KCNIP4: variants seen among roughly 807,000 people sequenced by gnomAD.
The protein encoded by KCNIP4 is Kv channel-interacting protein 4.
Under a neutral mutation model 34.0 loss-of-function variants are expected in KCNIP4, and 12 were observed. The ratio of observed to expected loss-of-function variants is 0.35; its 90% confidence interval spans 0.23 to 0.57. KCNIP4 has a LOEUF of 0.57. Ranked by LOEUF, KCNIP4 falls within the 20% of genes least tolerant of loss-of-function variation. The pLI is 0.83. For missense variants in KCNIP4, 238 were observed against 311.7 expected, an observed-to-expected ratio of 0.76 and a Z score of 1.78; for synonymous variants, 124 against 102.2, an observed-to-expected ratio of 1.21 and a Z score of -1.29.
chr4:21,212,221 C>T (rs2108980190), intron 1 of KCNIP4, among the ~76,000 whole-genome samples: 1 of 152,308 alleles, frequency 6.6e-6, no homozygotes, highest in Non-Finnish European at 1.5e-5. Flanking sequence ...CTATGAGAAG[C>T]AGGGAAAGTA....
At chr4:21,077,591 C>A (rs1745604668) in intron 1 of KCNIP4, among the ~76,000 whole-genome samples, 1 of 152,132 alleles carries the variant, frequency 6.6e-6, no homozygotes, top group South Asian at 2.1e-4. Flanking sequence ...AGCTATGTGA[C>A]TCTGAGTAAA....
At chr4:21,467,684 G>T (rs1182079906) in intron 1 of KCNIP4, among the ~76,000 whole-genome samples, 1 of 152,194 alleles carries the variant, frequency 6.6e-6, no homozygotes, top group East Asian at 1.9e-4. Flanking sequence ...TGATCCCAGA[G>T]TCCTGCTGCG....
intron 1 of KCNIP4, among the ~76,000 whole-genome samples, chr4:21,452,869 G>GA (rs5856636): frequency 6.6e-6 from 1 of 151,260 alleles, no homozygotes; most frequent in South Asian, 2.1e-4. Context: ...TCAGGGTAAA[G>GA]GCTGTATGCC....
At chr4:20,824,628 C>T (rs980961330) in intron 3 of KCNIP4, among the ~76,000 whole-genome samples, 2 of 152,004 alleles carry the variant, frequency 1.3e-5, no homozygotes, top group African/African-American at 2.4e-5. Context: ...TGCAGTGAGC[C>T]GAGATTGCAC....
chr4:21,414,681 T>C (rs941450270), intron 1 of KCNIP4, among the ~76,000 whole-genome samples: 1 of 152,186 alleles, frequency 6.6e-6, no homozygotes, highest in African/African-American at 2.4e-5. Flanking sequence ...GAAAACAATC[T>C]AAGTGTCCAT....
At chr4:20,887,905 A>G (rs1725496344) in intron 1 of KCNIP4, among the ~76,000 whole-genome samples, 1 of 152,086 alleles carries the variant, frequency 6.6e-6, no homozygotes, top group African/African-American at 2.4e-5. Context: ...AGAGTTTATT[A>G]CATTTGTAGA....
intron 1 of KCNIP4, among the ~76,000 whole-genome samples, chr4:21,083,716 CT>C: frequency 6.6e-6 from 1 of 151,926 alleles, no homozygotes; most frequent in Non-Finnish European, 1.5e-5. Flanking sequence ...TTAATTCTGG[CT>C]TCTGGCCTTC....
intron 1 of KCNIP4, among the ~76,000 whole-genome samples, chr4:21,494,772 G>GAAA (rs1732719535): frequency 1.0e-5 from 1 of 98,692 alleles, no homozygotes; most frequent in East Asian, 2.7e-4. Context: ...GTCAGACTGT[G>GAAA]TAAAAAAAAA....
chr4:21,172,661 A>C (rs564882440), intron 1 of KCNIP4, among the ~76,000 whole-genome samples: 1 of 152,282 alleles, frequency 6.6e-6, no homozygotes, highest in African/African-American at 2.4e-5. Flanking sequence ...AATTTATTTG[A>C]GGAGATTCAA....
At chr4:20,745,386 A>G (rs1374843182) in intron 5 of KCNIP4, among the ~76,000 whole-genome samples, 1 of 152,302 alleles carries the variant, frequency 6.6e-6, no homozygotes, top group Non-Finnish European at 1.5e-5. Context: ...CTGTGGGATG[A>G]TATCAGTAAA....
rs1002882521 is a variant in KCNIP4 at position 20,906,402 on chromosome 4, C to T, written c.62-23693G>A. On this transcript the variant is annotated intron_variant, in intron 1 of 8. Transcript: ENST00000382152. ...GCAGATTCATCTATGTCTCACCCTT[C>T]CATGAGAGCAGTCTGTCTAAAGCCT... is the stretch of plus-strand genomic sequence containing the variant. Among the ~76,000 whole-genome samples the T allele has an allele frequency of 6.6e-5, 10 of 152,280 alleles. 1 individual carries two copies. Among genetic ancestry groups the T allele is most frequent in the Admixed American group, 3.3e-4 (5 of 15,290 alleles).
intron 1 of KCNIP4, among the ~76,000 whole-genome samples, chr4:20,940,863 G>T (rs1178672361): frequency 6.6e-6 from 1 of 152,194 alleles, no homozygotes; most frequent in Non-Finnish European, 1.5e-5. Flanking sequence ...AACCGCTGCT[G>T]TAAGAAGGTA....
At chr4:21,185,847 A>C (rs1026997828) in intron 1 of KCNIP4, among the ~76,000 whole-genome samples, 1 of 152,218 alleles carries the variant, frequency 6.6e-6, no homozygotes, top group Non-Finnish European at 1.5e-5. Context: ...CTATGAGAAG[A>C]AGCATCAGAA....
At chr4:21,129,608 A>C (rs1274784422) in intron 1 of KCNIP4, among the ~76,000 whole-genome samples, 1 of 152,232 alleles carries the variant, frequency 6.6e-6, no homozygotes, top group Non-Finnish European at 1.5e-5. Context: ...CCTGGCTTAC[A>C]TATAGTAGCT....
At chr4:21,823,528 C>T (rs1298590262) in intron 1 of KCNIP4, among the ~76,000 whole-genome samples, 1 of 146,394 alleles carries the variant, frequency 6.8e-6, no homozygotes, top group African/African-American at 2.5e-5. Context: ...AACAAAAAAA[C>T]TACAGTCCTT....
intron 3 of KCNIP4, among the ~76,000 whole-genome samples, chr4:20,822,136 G>C (rs115375955): frequency 0.012 from 1,840 of 152,206 alleles, 19 homozygotes; most frequent in Non-Finnish European, 0.02. Context: ...AAAACCCACA[G>C]AGTGGGAGAA....
At chr4:21,267,949 G>A (rs1167253861) in intron 1 of KCNIP4, among the ~76,000 whole-genome samples, 3 of 151,754 alleles carry the variant, frequency 2.0e-5, no homozygotes, top group Admixed American at 1.3e-4. Flanking sequence ...TGTACCTCTG[G>A]TAGAATTCAG....
intron 1 of KCNIP4, among the ~76,000 whole-genome samples, chr4:21,916,722 G>A (rs1728650000): frequency 6.6e-6 from 1 of 152,184 alleles, no homozygotes; most frequent in Non-Finnish European, 1.5e-5. Flanking sequence ...TGGGCTTTGA[G>A]GATTTTCAAA....
intron 1 of KCNIP4, among the ~76,000 whole-genome samples, chr4:21,337,500 G>C (rs1293552345): frequency 1.3e-5 from 2 of 152,010 alleles, no homozygotes; most frequent in Non-Finnish European, 2.9e-5. Flanking sequence ...TGCTCCTTTG[G>C]ATTTTTGAAT....
Sources: allele counts gnomAD v4.1 joint callset (sites outside exome capture counted in the v4.1 genomes callset), GRCh38; gene constraint gnomAD v4.1.1; transcripts MANE v1.5; gene names NCBI Gene and HGNC (gene_info 2026-07-23, HGNC 2026-07-21).